Variants in ANKRD12 observed in about 807,000 individuals in gnomAD.
The protein encoded by ANKRD12 is ankyrin repeat domain-containing protein 12.
In ANKRD12, 85 loss-of-function variants were observed where a neutral mutation model predicts 183.4. The ratio of observed to expected loss-of-function variants is 0.46; its 90% CI spans 0.39 to 0.56. ANKRD12 has a LOEUF of 0.56. Among genes scored for constraint, ANKRD12 ranks in the 20% least tolerant of loss-of-function variants. ANKRD12 has a pLI of 0.00. For missense variants in ANKRD12, 2,405 were observed against 2,357.1 expected, an observed-to-expected ratio of 1.02 and a Z score of -0.42; for synonymous variants, 914 against 800.2, an observed-to-expected ratio of 1.14 and a Z score of -2.40.
At chr18:9,243,163 T>C (rs1333747791) in intron 8 of ANKRD12, among the ~76,000 whole-genome samples, 1 of 152,252 alleles carries the variant, frequency 6.6e-6, no homozygotes, top group Non-Finnish European at 1.5e-5. Context: ...CAGTTACATG[T>C]ACATAATTCT....
intron 1 of ANKRD12, among the ~76,000 whole-genome samples, chr18:9,138,319 C>G (rs1222913037): frequency 6.6e-6 from 1 of 152,110 alleles, no homozygotes; most frequent in African/African-American, 2.4e-5. Context: ...TCGAGACCAG[C>G]CTGACCAATA....
intron 4 of ANKRD12, among the ~76,000 whole-genome samples, chr18:9,205,102 T>C (rs2120316): frequency 0.075 from 11,345 of 152,256 alleles, 438 homozygotes; most frequent in African/African-American, 0.083. Flanking sequence ...CCATTACCAC[T>C]GTGTTGCAAC....
At chr18:9,268,698 T>C (rs989844545) in intron 10 of ANKRD12, among the ~76,000 whole-genome samples, 1 of 152,156 alleles carries the variant, frequency 6.6e-6, no homozygotes, top group Non-Finnish European at 1.5e-5. Flanking sequence ...AGCATTCCCT[T>C]TGAAAACTGG....
At chr18:9,277,473 G>C (rs369487923) in intron 11 of ANKRD12, among the ~76,000 whole-genome samples, 1 of 151,272 alleles carries the variant, frequency 6.6e-6, no homozygotes, top group African/African-American at 2.4e-5. Flanking sequence ...GACTACAGGC[G>C]CCCGCCACCA....
rs2040165034 is a variant in ANKRD12 at position 9,283,342 on chromosome 18, A to G, written c.*2216A>G. The G allele has an allele frequency of 6.6e-6, 1 of 152,104 alleles. No homozygotes were observed. The highest frequency in any genetic ancestry group is 2.1e-4 in the South Asian group (1 of 4,824). The allele number at this position is 152,104 out of a possible 1,614,324, so 9.4% of individuals were successfully genotyped here. Reference sequence around the variant, plus strand: ...CTTTTTAGTCTTAACCACAGTTCTCACTCTCTTAAATGGTACCTCAAAAAG... The same window carrying G: ...CTTTTTAGTCTTAACCACAGTTCTCGCTCTCTTAAATGGTACCTCAAAAAG... On this transcript the variant is annotated 3_prime_UTR_variant, in exon 13 of 13. Coordinates refer to ENST00000262126, the MANE Select transcript of ANKRD12 (RefSeq NM_015208.5).
At chr18:9,279,289 G>C (rs1202175324) in intron 11 of ANKRD12, among the ~76,000 whole-genome samples, 1 of 152,110 alleles carries the variant, frequency 6.6e-6, no homozygotes, top group Admixed American at 6.5e-5. Context: ...GCCTTTTTGA[G>C]AAATGTCTTT....
chr18:9,275,814 T>C (rs976961170), intron 11 of ANKRD12, 147 bp downstream of exon 11: 2 of 706,278 alleles, frequency 2.8e-6, no homozygotes, highest in African/African-American at 3.6e-5. Flanking sequence ...CCAGAGTACT[T>C]CCAGATCAAC....
intron 8 of ANKRD12, among the ~76,000 whole-genome samples, chr18:9,236,590 CAA>C (rs2037360201): frequency 6.6e-6 from 1 of 151,680 alleles, no homozygotes; most frequent in Non-Finnish European, 1.5e-5. Flanking sequence ...AGCAAAAATT[CAA>C]AGAGAATCAT....
intron 1 of ANKRD12, among the ~76,000 whole-genome samples, chr18:9,173,096 G>A (rs1484249198): frequency 1.4e-5 from 2 of 145,234 alleles, no homozygotes; most frequent in East Asian, 2.0e-4. Flanking sequence ...TTGAGACTGA[G>A]TTTAGCTCTA....
chr18:9,140,745 C>G (rs1188060964), intron 1 of ANKRD12, among the ~76,000 whole-genome samples: 2 of 152,114 alleles, frequency 1.3e-5, no homozygotes, highest in Non-Finnish European at 2.9e-5. Flanking sequence ...CCTCTTAGTG[C>G]TTTCAATTGA....
At chr18:9,156,716 C>T (rs2030516962) in intron 1 of ANKRD12, among the ~76,000 whole-genome samples, 1 of 152,126 alleles carries the variant, frequency 6.6e-6, no homozygotes, top group Non-Finnish European at 1.5e-5. Context: ...GTAGAAACAG[C>T]CCAATATCCA....
intron 1 of ANKRD12, among the ~76,000 whole-genome samples, chr18:9,173,246 T>G (rs1291477670): frequency 6.6e-6 from 1 of 151,916 alleles, no homozygotes; most frequent in Admixed American, 6.6e-5. Flanking sequence ...ATTTTTGTAT[T>G]TTTAGTAGAG....
At chr18:9,154,570 C>G (rs1207602089) in intron 1 of ANKRD12, among the ~76,000 whole-genome samples, 1 of 152,096 alleles carries the variant, frequency 6.6e-6, no homozygotes, top group African/African-American at 2.4e-5. Context: ...AAAACAACAA[C>G]AACACACACT....
intron 1 of ANKRD12, among the ~76,000 whole-genome samples, chr18:9,141,051 G>A (rs1233198040): frequency 3.3e-5 from 5 of 151,974 alleles, no homozygotes; most frequent in African/African-American, 9.7e-5. Context: ...GTTGGTTTTC[G>A]AAGAGTTTGA....
At chr18:9,243,756 T>G (rs917205844) in intron 8 of ANKRD12, among the ~76,000 whole-genome samples, 1 of 152,206 alleles carries the variant, frequency 6.6e-6, no homozygotes, top group Non-Finnish European at 1.5e-5. Context: ...GTTGGAAATA[T>G]GAGGAAAATG....
chr18:9,148,868 A>G (rs965256616), intron 1 of ANKRD12, among the ~76,000 whole-genome samples: 2 of 152,204 alleles, frequency 1.3e-5, no homozygotes, highest in Non-Finnish European at 2.9e-5. Flanking sequence ...AGACTACACA[A>G]TGACAAGGGG....
intron 8 of ANKRD12, among the ~76,000 whole-genome samples, chr18:9,247,733 T>A (rs925006443): frequency 6.6e-6 from 1 of 152,196 alleles, no homozygotes; most frequent in African/African-American, 2.4e-5. Flanking sequence ...CCTGATAAAT[T>A]TTCCCAGAGT....
chr18:9,239,108 G>C (rs959785858), intron 8 of ANKRD12, among the ~76,000 whole-genome samples: 5 of 152,176 alleles, frequency 3.3e-5, no homozygotes, highest in African/African-American at 1.2e-4. Flanking sequence ...CTGGACAACA[G>C]AGTGAGACCC....
chr18:9,184,785 A>G (rs898852132), intron 2 of ANKRD12, among the ~76,000 whole-genome samples: 3 of 152,222 alleles, frequency 2.0e-5, no homozygotes, highest in Non-Finnish European at 4.4e-5. Context: ...CACAACCACA[A>G]TCAATTTTAG....
Sources: gnomAD v4.1 joint callset for allele counts (sites outside exome capture counted in the v4.1 genomes callset) on GRCh38, gnomAD v4.1.1 for gene constraint, MANE v1.5 for transcripts, NCBI Gene and HGNC (gene_info 2026-07-23, HGNC 2026-07-21) for gene names.